Variants in ARHGAP21 observed in about 807,000 individuals in gnomAD.
ARHGAP21 encodes Rho GTPase activating protein 21, also known as rho GTPase-activating protein 21.
A neutral mutation model predicts 164.6 loss-of-function variants in ARHGAP21; 38 were observed. The ratio of observed to expected loss-of-function variants is 0.23; its 90% CI spans 0.18 to 0.30. The LOEUF (loss-of-function observed/expected upper bound fraction) is 0.30, where lower values mean the gene tolerates loss of function less well. Ranked by LOEUF, ARHGAP21 falls within the 10% of genes least tolerant of loss-of-function variation. The pLI, the probability that ARHGAP21 is intolerant of heterozygous loss-of-function variation, is 1.00. For missense variants in ARHGAP21, 1,822 were observed against 2,370.7 expected, an observed-to-expected ratio of 0.77 and a Z score of 4.81; for synonymous variants, 766 against 857.9, an observed-to-expected ratio of 0.89 and a Z score of 1.87.
intron 2 of ARHGAP21, among the ~76,000 whole-genome samples, chr10:24,675,957 G>A (rs2131836537): frequency 6.6e-6 from 1 of 152,254 alleles, no homozygotes; most frequent in South Asian, 2.1e-4. Context: ...AGACTAGCCT[G>A]GCCAACATGG....
chr10:24,595,018 G>C lies in ARHGAP21; in HGVS notation c.3808C>G (p.His1270Asp), dbSNP rs1459974858. The C allele has an allele frequency of 6.2e-7, 1 of 1,612,846 alleles. No individual in the cohort carries two copies. The highest frequency in any genetic ancestry group is 8.5e-7 in the Non-Finnish European group (1 of 1,179,298). Residue 1270 changes from histidine to aspartate, a missense_variant, in exon 21 of 26, where the codon CAT (histidine) becomes GAT (aspartate). Coordinates refer to ENST00000396432, the MANE Select transcript of ARHGAP21 (RefSeq NM_020824.4). ...KRLIHDLPEH[H>D]YETLKFLSAH... ...GAAAGGAACTTAAGTGTTTCATAATGATGTTCAGGCAAATCGTGAATCTGA... is the reference window on the plus strand; with the variant it reads ...GAAAGGAACTTAAGTGTTTCATAATCATGTTCAGGCAAATCGTGAATCTGA...
chr10:24,588,478 A>T (rs922708686), intron 25 of ARHGAP21, among the ~76,000 whole-genome samples: 2 of 135,854 alleles, frequency 1.5e-5, no homozygotes, highest in Non-Finnish European at 3.4e-5. Flanking sequence ...GATAAACATC[A>T]CAAGTAATAG....
chr10:24,649,659 G>C lies in ARHGAP21; in HGVS notation c.269-14556C>G, dbSNP rs1837957956. Among the ~76,000 whole-genome samples the C allele has an allele frequency of 7.3e-5, 11 of 150,852 alleles. No homozygotes were observed. The South Asian group carries it at 2.1e-3, about 29-fold the overall frequency. On this transcript the variant is annotated intron_variant, in intron 4 of 25. Transcript: ENST00000396432. The stretch of plus-strand genomic sequence containing the variant: ...GAGATTTTTTGTCTTAGATCTCAAA[G>C]AATCCCCAAGTAATAATTTTTGAAG...
intron 21 of ARHGAP21, among the ~76,000 whole-genome samples, chr10:24,594,254 A>G (rs1254818274): frequency 6.6e-6 from 1 of 152,234 alleles, no homozygotes; most frequent in East Asian, 1.9e-4. Flanking sequence ...CAAAAAACTA[A>G]GTTAAGACTA....
At chr10:24,718,174 T>A (rs528150228) in intron 2 of ARHGAP21, among the ~76,000 whole-genome samples, 4 of 151,660 alleles carry the variant, frequency 2.6e-5, no homozygotes, top group African/African-American at 9.7e-5. Context: ...GACGGAAGAG[T>A]GAGAATGCTG....
At chr10:24,634,970 A>G in intron 5 of ARHGAP21, 41 bp downstream of exon 5, 2 of 1,375,106 alleles carry the variant, frequency 1.5e-6, no homozygotes, top group Non-Finnish European at 2.0e-6. Flanking sequence ...ATAAAGTGAA[A>G]AAGAAATTAA....
At chr10:24,642,410 G>A (rs1274627898) in intron 4 of ARHGAP21, among the ~76,000 whole-genome samples, 1 of 151,168 alleles carries the variant, frequency 6.6e-6, no homozygotes, top group African/African-American at 2.4e-5. Flanking sequence ...AGCTACTCGG[G>A]AGGCTGAGGC....
At chr10:24,593,846 C>CAACAGTCTAGG (rs1389320113) in intron 21 of ARHGAP21, among the ~76,000 whole-genome samples, 1 of 151,492 alleles carries the variant, frequency 6.6e-6, no homozygotes, top group Non-Finnish European at 1.5e-5. Flanking sequence ...GAATTTCTGG[C>CAACAGTCTAGG]AACAGTCTAG....
At chr10:24,646,333 A>C (rs1348521877) in intron 4 of ARHGAP21, among the ~76,000 whole-genome samples, 1 of 150,984 alleles carries the variant, frequency 6.6e-6, no homozygotes, top group South Asian at 2.1e-4. Flanking sequence ...GGAGCAGCTG[A>C]AAAAAAAACA....
chr10:24,687,040 A>G (rs761032561), intron 2 of ARHGAP21, among the ~76,000 whole-genome samples: 3 of 152,032 alleles, frequency 2.0e-5, no homozygotes, highest in Non-Finnish European at 4.4e-5. Flanking sequence ...ACATGGTGAA[A>G]CCCCATTTCT....
At chr10:24,607,030 G>A (rs1055522165) in intron 11 of ARHGAP21, among the ~76,000 whole-genome samples, 2 of 152,044 alleles carry the variant, frequency 1.3e-5, no homozygotes, top group African/African-American at 4.8e-5. Context: ...GTATATTATG[G>A]TATAAACTAT....
chr10:24,698,485 T>C (rs571571461), intron 2 of ARHGAP21, among the ~76,000 whole-genome samples: 107 of 152,308 alleles, frequency 7.0e-4, no homozygotes, highest in African/African-American at 2.5e-3. Context: ...TGCAATCAAG[T>C]CCAACTCTCA....
At chr10:24,697,031 G>GA (rs1441242599) in intron 2 of ARHGAP21, among the ~76,000 whole-genome samples, 1 of 152,208 alleles carries the variant, frequency 6.6e-6, no homozygotes, top group Non-Finnish European at 1.5e-5. Flanking sequence ...CCAAGTCAAT[G>GA]AAACGTAGGA....
At chr10:24,607,411 ACAT>A (rs1429567236) in intron 11 of ARHGAP21, 85 bp downstream of exon 11, 2 of 1,060,216 alleles carry the variant, frequency 1.9e-6, no homozygotes, top group Non-Finnish European at 2.8e-6. Flanking sequence ...AAAACATAAG[ACAT>A]CATTAAATTC....
At chr10:24,628,866 TATACATAC>T (rs1164403469) in intron 7 of ARHGAP21, 3 of 119,658 alleles carry the variant, frequency 2.5e-5, no homozygotes, top group African/African-American at 9.7e-5. Flanking sequence ...TATACACATA[TATACATAC>T]ATATATACAC....
chr10:24,689,885 TGTATATGTATGTGTATATATAC>T, intron 2 of ARHGAP21, among the ~76,000 whole-genome samples: 1 of 142,996 alleles, frequency 7.0e-6, no homozygotes, highest in African/African-American at 2.7e-5. Context: ...CATGTATATA[TGTATATGTATGTGTATATATAC>T]ATGTATATAT....
Position 24,620,309 on chromosome 10 carries a change from C to A in ARHGAP21, c.1586G>T (p.Ser529Ile). 6.2e-7 allele frequency: 1 copy of A among 1,613,982 alleles called. No individual in the cohort carries two copies. Among genetic ancestry groups the A allele is most frequent in the East Asian group, 2.2e-5 (1 of 44,880 alleles). Reference sequence around the variant, plus strand: ...TCTATCATCCTGTTCAGTAAACCCACTCCACTTGTAAGTCTGTTTTTTCTC... The same window carrying A: ...TCTATCATCCTGTTCAGTAAACCCAATCCACTTGTAAGTCTGTTTTTTCTC... ...NGEKKQTYKW[S>I]GFTEQDDRRG... The change falls in exon 9 of 26, where the codon AGT becomes ATT. Residue 529 changes from serine (S) to isoleucine (I), a missense_variant. This residue lies in a region of ARHGAP21 where 1,090 missense variants were observed against 1,378.9 expected (regional missense o/e 0.79). Transcript: ENST00000396432.
At chr10:24,688,595 G>C (rs900510726) in intron 2 of ARHGAP21, among the ~76,000 whole-genome samples, 2 of 152,178 alleles carry the variant, frequency 1.3e-5, no homozygotes, top group African/African-American at 2.4e-5. Context: ...TATAGAAGAT[G>C]ACGAAATGGT....
intron 2 of ARHGAP21, among the ~76,000 whole-genome samples, chr10:24,687,433 G>A (rs540853682): frequency 6.6e-6 from 1 of 152,284 alleles, no homozygotes; most frequent in East Asian, 1.9e-4. Context: ...AAACATTGTT[G>A]GGGAATTGTT....
Sources: allele counts gnomAD v4.1 joint callset (sites outside exome capture counted in the v4.1 genomes callset), GRCh38; gene constraint gnomAD v4.1.1; regional missense constraint gnomAD v4.1.1; transcripts MANE v1.5; gene names NCBI Gene and HGNC (gene_info 2026-07-23, HGNC 2026-07-21).